The following SLC36A1 variants were observed in gnomAD, a reference collection of about 807,000 sequenced individuals.
The protein encoded by SLC36A1 is solute carrier family 36 member 1.
Under a neutral mutation model 47.5 loss-of-function variants are expected in SLC36A1, and 30 were observed. That is an observed-to-expected ratio of 0.63 (90% CI 0.47 to 0.86). The LOEUF (loss-of-function observed/expected upper bound fraction) is 0.86. Among genes scored for constraint, SLC36A1 ranks in the 40% least tolerant of loss-of-function variants. The probability of loss-of-function intolerance (pLI) is 0.00; values close to 1 mark genes in which losing one functional copy is unlikely to be tolerated. For synonymous variants in SLC36A1, 255 were observed against 249.7 expected (o/e 1.02, Z -0.20); for missense variants, 517 against 606.0 (o/e 0.85, Z 1.54).
chr5:151,541,682 A>G, the SLC36A1 span, among the ~76,000 whole-genome samples: 1 of 152,258 alleles, frequency 6.6e-6, no homozygotes, highest in Non-Finnish European at 1.5e-5. Context: ...GTTTTACAGT[A>G]GGTATCCACT....
upstream of SLC36A1, among the ~76,000 whole-genome samples, chr5:151,433,242 A>T (rs1580998151): frequency 1.1e-4 from 1 of 8,980 alleles, no homozygotes; most frequent in African/African-American, 4.3e-4. Context: ...ATATATATAT[A>T]TATATATATA....
chr5:151,499,775 G>A, the SLC36A1 span, among the ~76,000 whole-genome samples: 2 of 149,790 alleles, frequency 1.3e-5, no homozygotes, highest in Admixed American at 1.3e-4. Flanking sequence ...CCTGAAGGAA[G>A]TCGTTTCCCA....
the SLC36A1 span, among the ~76,000 whole-genome samples, chr5:151,503,179 A>G: frequency 6.8e-6 from 1 of 147,968 alleles, no homozygotes; most frequent in Non-Finnish European, 1.5e-5. Context: ...GTCCAAACCC[A>G]TAGAATGTGC....
At chr5:151,542,448 C>G in the SLC36A1 span, 2 of 1,614,038 alleles carry the variant, frequency 1.2e-6, no homozygotes, top group Non-Finnish European at 1.7e-6. Flanking sequence ...TAATGGAGAC[C>G]TGAACCAGGG....
chr5:151,396,162 A>G, the SLC36A1 span, among the ~76,000 whole-genome samples: 1 of 149,736 alleles, frequency 6.7e-6, no homozygotes, highest in Admixed American at 6.7e-5. Flanking sequence ...ATACATATAT[A>G]TATATTTTGG....
chr5:151,537,326 AAAG>A, the SLC36A1 span, among the ~76,000 whole-genome samples: 8 of 2,346 alleles, frequency 3.4e-3, no homozygotes, highest in Admixed American at 0.024. Flanking sequence ...AAAGAGAAAA[AAAG>A]AAAGAAAAGA....
chr5:151,383,593 G>C, the SLC36A1 span, among the ~76,000 whole-genome samples: 2 of 123,352 alleles, frequency 1.6e-5, no homozygotes, highest in Admixed American at 1.7e-4. Flanking sequence ...TTTTTTTGGA[G>C]ACAGAGACTC....
the SLC36A1 span, among the ~76,000 whole-genome samples, chr5:151,539,015 T>C: frequency 6.6e-6 from 1 of 152,118 alleles, no homozygotes; most frequent in African/African-American, 2.4e-5. Flanking sequence ...CTCTTTTTTC[T>C]GTTCTAGTGA....
At chr5:151,542,780 C>T in the SLC36A1 span, 1 of 1,614,224 alleles carries the variant, frequency 6.2e-7, no homozygotes. Context: ...TGGATGTTGA[C>T]AGAGACCAAG....
At chr5:151,508,103 C>A in the SLC36A1 span, among the ~76,000 whole-genome samples, 17 of 152,156 alleles carry the variant, frequency 1.1e-4, no homozygotes, top group African/African-American at 3.4e-4. Context: ...AGAAAGCATG[C>A]GAACTCTCAG....
chr5:151,385,037 T>TGTGTGTGTGTGAGA, the SLC36A1 span, among the ~76,000 whole-genome samples: 6 of 142,206 alleles, frequency 4.2e-5, no homozygotes, highest in African/African-American at 1.7e-4. Flanking sequence ...TGTGTGTGTG[T>TGTGTGTGTGTGAGA]GAGAGAGAGA....
At chr5:151,371,175 A>G in the SLC36A1 span, among the ~76,000 whole-genome samples, 2 of 152,088 alleles carry the variant, frequency 1.3e-5, no homozygotes, top group Admixed American at 6.5e-5. Context: ...GGACATTGAG[A>G]ACCACTGGCA....
At chr5:151,470,500 TC>T (rs1206908483) in intron 7 of SLC36A1, among the ~76,000 whole-genome samples, 1 of 152,192 alleles carries the variant, frequency 6.6e-6, no homozygotes, top group Non-Finnish European at 1.5e-5. Flanking sequence ...TTCTGAGTCT[TC>T]CTCTGGGCTT....
Position 151,479,405 on chromosome 5 carries a change from A to G in SLC36A1, c.1075A>G (p.Ile359Val). 1 of 1,614,204 alleles carries G rather than the reference A, an allele frequency of 6.2e-7. No homozygotes were observed. Among genetic ancestry groups the G allele is most frequent in the East Asian group, 2.2e-5 (1 of 44,888 alleles). Residue 359 changes from isoleucine (I) to valine (V), a missense_variant, in exon 10 of 11, where the codon ATC becomes GTC. Coordinates refer to ENST00000243389, the MANE Select transcript of SLC36A1 (RefSeq NM_078483.4). The stretch of plus-strand genomic sequence containing the variant: ...GTTCTACGTCCCGGCTGAGATCATC[A>G]TCCCCTTCTTTGTGTCCCGAGCGCC... Reference protein sequence around the residue: ...LQFYVPAEIIIPFFVSRAPEH... With the variant: ...LQFYVPAEIIVPFFVSRAPEH...
chr5:151,418,533 C>G, the SLC36A1 span, among the ~76,000 whole-genome samples: 1 of 152,170 alleles, frequency 6.6e-6, no homozygotes, highest in South Asian at 2.1e-4. Flanking sequence ...TTTGACTGCC[C>G]AGATGGATTT....
the SLC36A1 span, among the ~76,000 whole-genome samples, chr5:151,392,722 T>G: frequency 3.3e-5 from 5 of 152,230 alleles, no homozygotes; most frequent in African/African-American, 1.2e-4. Context: ...TTGAGTGTGT[T>G]TCTTAATCCC....
In SLC36A1 at chr5:151,476,960, T is replaced by G. The variant is rs1325715193; in HGVS notation, c.989+204T>G. The G allele has an allele frequency of 8.4e-6, 6 of 716,244 alleles. No individual in the cohort carries two copies. The African/African-American group carries it at 8.7e-5, about 10-fold the overall frequency. The allele number at this position is 716,244 out of a possible 1,614,324, so 44.4% of individuals were successfully genotyped here. On this transcript the variant is annotated intron_variant, in intron 9 of 10. Coordinates refer to ENST00000243389, the MANE Select transcript of SLC36A1 (RefSeq NM_078483.4). ...CATGTAGAGCCTTCTGCTGAAGCCATTGGTGCTGATCAGCCGATGGGTAAG... is the reference window on the plus strand; with the variant it reads ...CATGTAGAGCCTTCTGCTGAAGCCAGTGGTGCTGATCAGCCGATGGGTAAG...
At chr5:151,405,343 CTTTTTTTTTTT>C in the SLC36A1 span, among the ~76,000 whole-genome samples, 3 of 85,234 alleles carry the variant, frequency 3.5e-5, no homozygotes, top group East Asian at 3.3e-4. Context: ...CTCTCTTTCT[CTTTTTTTTTTT>C]TTTTTTTTTT....
chr5:151,440,814 G>A (rs1235580592), intron 1 of SLC36A1, among the ~76,000 whole-genome samples: 1 of 152,048 alleles, frequency 6.6e-6, no homozygotes, highest in Non-Finnish European at 1.5e-5. Context: ...TCACCCAGCT[G>A]GGAAATAAGG....
Sources: allele counts gnomAD v4.1 joint callset (sites outside exome capture counted in the v4.1 genomes callset), GRCh38; gene constraint gnomAD v4.1.1; transcripts MANE v1.5; gene names NCBI Gene and HGNC (gene_info 2026-07-23, HGNC 2026-07-21).